Variants in ELFN2 observed in about 807,000 individuals in gnomAD.
The protein encoded by ELFN2 is extracellular leucine rich repeat and fibronectin type III domain containing 2.
In ELFN2, 17 loss-of-function variants were observed where a neutral mutation model predicts 45.5. The ratio of observed to expected loss-of-function variants is 0.37; its 90% CI spans 0.26 to 0.56. The LOEUF (loss-of-function observed/expected upper bound fraction) is 0.56, where lower values mean the gene tolerates loss of function less well. Ranked by LOEUF, ELFN2 falls within the 20% of genes least tolerant of loss-of-function variation. The pLI, the probability that ELFN2 is intolerant of heterozygous loss-of-function variation, is 0.77. For synonymous variants in ELFN2, 550 were observed against 551.5 expected, an observed-to-expected ratio of 1.00 and a Z score of 0.04; for missense variants, 922 against 1,183.2, an observed-to-expected ratio of 0.78 and a Z score of 3.24.
chr22:37,348,467 G>A (rs765956781), intron 1 of ELFN2, among the ~76,000 whole-genome samples: 1 of 148,346 alleles, frequency 6.7e-6, no homozygotes, highest in Non-Finnish European at 1.5e-5. Context: ...GGCTGAGGTG[G>A]GCACAGGGCC....
At chr22:37,407,154 G>A (rs1026598536) in intron 2 of ELFN2, among the ~76,000 whole-genome samples, 4 of 151,788 alleles carry the variant, frequency 2.6e-5, no homozygotes, top group African/African-American at 9.7e-5. Flanking sequence ...TGTGTCGTAT[G>A]TGTACATGAG....
chr22:37,345,136 C>A (rs1333151355), intron 1 of ELFN2, among the ~76,000 whole-genome samples: 1 of 60,780 alleles, frequency 1.6e-5, no homozygotes, highest in African/African-American at 5.2e-5. Context: ...CCTTCTGGGC[C>A]CACCAATCTG....
In ELFN2 at chr22:37,375,806, T is replaced by G; in HGVS notation, c.-272A>C. On this transcript the variant is annotated 5_prime_UTR_variant, in exon 3 of 3. Coordinates refer to ENST00000402918, the MANE Select transcript of ELFN2 (RefSeq NM_052906.5). Reference sequence around the variant, plus strand: ...TGCTCCTTGTCTCCTGCTAGGAAGGTGCAAGGGTTCTCAGGGCTTGACTTC... The same window carrying G: ...TGCTCCTTGTCTCCTGCTAGGAAGGGGCAAGGGTTCTCAGGGCTTGACTTC... 1 of 524,406 alleles carries G rather than the reference T, an allele frequency of 1.9e-6. No homozygotes were observed. Among genetic ancestry groups the G allele is most frequent in the East Asian group, 3.4e-5 (1 of 29,612 alleles). The allele number at this position is 524,406 out of a possible 1,614,324, so 32.5% of individuals were successfully genotyped here.
chr22:37,357,525 C>T (rs1286342997), intron 1 of ELFN2, among the ~76,000 whole-genome samples: 1 of 152,106 alleles, frequency 6.6e-6, no homozygotes, highest in Non-Finnish European at 1.5e-5. Context: ...GATTTTTAGC[C>T]ACACTTCTTA....
At position 37,422,955 on chromosome 22, in the gene ELFN2, G is replaced by C. The variant is rs571063351; in HGVS notation, c.-614+4343C>G. ...GGAAACTGGGCCTCGGGGGGGGGGG[G>C]GGAAGTGACTTGCCCAGGACCCACA... On this transcript the variant is annotated intron_variant, in intron 1 of 2. Coordinates refer to ENST00000402918, the MANE Select transcript of ELFN2 (RefSeq NM_052906.5). Among the ~76,000 whole-genome samples the C allele has an allele frequency of 3.4e-5, 5 of 145,534 alleles. No individual in the cohort carries two copies. The East Asian group carries it at 1.0e-3, about 29-fold the overall frequency.
intron 2 of ELFN2, among the ~76,000 whole-genome samples, chr22:37,410,745 G>C (rs566769772): frequency 6.6e-6 from 1 of 152,324 alleles, no homozygotes; most frequent in East Asian, 1.9e-4. Flanking sequence ...CCGAGGAGCG[G>C]AGGATGATCG....
At position 37,382,429 on chromosome 22, in the gene ELFN2, G is replaced by C. The variant is rs567916629; in HGVS notation, c.-462-6433C>G. 3.3e-5 allele frequency among the ~76,000 whole-genome samples: 5 copies of C among 152,012 alleles called. No individual in the cohort carries two copies. In the South Asian group the frequency reaches 1.0e-3, roughly 32 times the overall value. ...CCAGCTAATTTTTGTATTTTTAGTA[G>C]AGACGGGGTTTCACCACGTTGGCCA... On this transcript the variant is annotated intron_variant, in intron 2 of 2. Transcript: ENST00000402918.
At chr22:37,342,802 G>C (rs545082836) in intron 1 of ELFN2, 1 of 146,646 alleles carries the variant, frequency 6.8e-6, no homozygotes. Context: ...GTGGGTGGGG[G>C]GGTGGGCACA....
At chr22:37,410,997 C>A (rs1478020713) in intron 2 of ELFN2, among the ~76,000 whole-genome samples, 1 of 152,206 alleles carries the variant, frequency 6.6e-6, no homozygotes, top group Non-Finnish European at 1.5e-5. Flanking sequence ...GCCTGCCTCC[C>A]TGCTCCGACC....
intron 2 of ELFN2, among the ~76,000 whole-genome samples, chr22:37,403,056 T>C (rs1932404671): frequency 6.6e-6 from 1 of 151,900 alleles, no homozygotes. Flanking sequence ...GAAAAAGCCA[T>C]AGCCGCAGCC....
intron 2 of ELFN2, among the ~76,000 whole-genome samples, chr22:37,378,669 TG>T (rs780810287): frequency 2.0e-5 from 3 of 152,358 alleles, no homozygotes; most frequent in East Asian, 3.9e-4. Context: ...TGGCTTGGGC[TG>T]GGCCCAGCTC....
intron 2 of ELFN2, among the ~76,000 whole-genome samples, chr22:37,378,688 C>A (rs534391471): frequency 1.3e-5 from 2 of 152,372 alleles, no homozygotes; most frequent in Middle Eastern, 3.4e-3. Flanking sequence ...CTCCGACCCA[C>A]CCCCGTGACT....
chr22:37,416,592 G>C (rs536182410), intron 2 of ELFN2, among the ~76,000 whole-genome samples: 1 of 152,286 alleles, frequency 6.6e-6, no homozygotes, highest in African/African-American at 2.4e-5. Flanking sequence ...AAGTGGGAGG[G>C]AAGGGCTGGG....
rs144030157 is a variant in ELFN2 at position 37,346,765 on chromosome 22, C to T, written n.149-4062G>A. On this transcript the variant is annotated intron_variant and non_coding_transcript_variant, in intron 1 of 2. Transcript: ENST00000452946. ...GTGCACACCACATGCAGCACACAAC[C>T]GTACACACACGTTGCAAAACACACA... is the stretch of plus-strand genomic sequence containing the variant. 2.1e-3 allele frequency among the ~76,000 whole-genome samples: 321 copies of T among 152,164 alleles called. 5 individuals carry two copies. The East Asian group carries it at 0.046, about 22-fold the overall frequency.
At chr22:37,420,200 C>G (rs966746647) in intron 1 of ELFN2, 1 of 152,062 alleles carries the variant, frequency 6.6e-6, no homozygotes, top group Non-Finnish European at 1.5e-5. Context: ...GGCGGGGCTC[C>G]GAGCGCGCGC....
chr22:37,395,686 C>A (rs1460226628), intron 2 of ELFN2, among the ~76,000 whole-genome samples: 4 of 152,200 alleles, frequency 2.6e-5, no homozygotes, highest in Non-Finnish European at 4.4e-5. Flanking sequence ...ACAAGACAAC[C>A]TGGGGGTCCT....
rs1438247580 is a variant in ELFN2 at position 37,371,279 on chromosome 22, C to T, written c.*1793G>A. The T allele has an allele frequency of 6.6e-6, 1 of 152,428 alleles. No homozygotes were observed. Among genetic ancestry groups the T allele is most frequent in the African/African-American group, 2.4e-5 (1 of 41,446 alleles). 9.4% of individuals were successfully genotyped at this position (152,428 alleles called of 1,614,324 possible). A position where few individuals can be genotyped will look rare whatever the true frequency, so the allele number is the denominator to read the frequency against. ...AACAGTGCCGGTCTTGGACCCATTC[C>T]AGTGCCTACCCTCGCCCCTCAGTCA... On this transcript the variant is annotated 3_prime_UTR_variant, in exon 3 of 3. Transcript: ENST00000402918. This position sits in a 1 kb window ranked among gnomAD's most constrained non-coding sequence, Gnocchi z 6.4.
intron 2 of ELFN2, among the ~76,000 whole-genome samples, chr22:37,412,504 C>A (rs999966051): frequency 2.0e-5 from 3 of 152,002 alleles, no homozygotes; most frequent in African/African-American, 7.3e-5. Context: ...AGGACTCTGC[C>A]CCAAGGGGCC....
rs554071053 is a variant in ELFN2, at chr22:37,374,408, G to T, written c.1127C>A (p.Thr376Asn). The change falls in exon 3 of 3, where the codon ACC becomes AAC. Residue 376 changes from threonine (T) to asparagine (N), a missense_variant. Transcript: ENST00000402918. The stretch of plus-strand genomic sequence containing the variant: ...GGGGACGGGGTCCCGCGTGGTGAAG[G>T]TCAGGCAGGTGTGGTTGAAGCGGCG... Reference protein sequence around the residue: ...NSRRFNHTCLTFTTRDPVPGD... With the variant: ...NSRRFNHTCLNFTTRDPVPGD... 6.2e-7 allele frequency: 1 copy of T among 1,613,838 alleles called. No homozygotes were observed. The highest frequency in any genetic ancestry group is 8.5e-7 in the Non-Finnish European group (1 of 1,179,904).
Sources: gnomAD v4.1 joint callset for allele counts (sites outside exome capture counted in the v4.1 genomes callset) on GRCh38, gnomAD v4.1.1 for gene constraint, Gnocchi (gnomAD v3.1) non-coding constraint, MANE v1.5 for transcripts, NCBI Gene and HGNC (gene_info 2026-07-23, HGNC 2026-07-21) for gene names.